LUZP2: variants seen among roughly 807,000 people sequenced by gnomAD.
LUZP2 encodes leucine zipper protein 2.
A neutral mutation model predicts 51.6 loss-of-function variants in LUZP2; 52 were observed. That is an observed-to-expected ratio of 1.01 (90% CI 0.81 to 1.27). The LOEUF (loss-of-function observed/expected upper bound fraction) is 1.27, where lower values mean the gene tolerates loss of function less well. LUZP2 is among the 50% of genes most tolerant of loss of function. LUZP2 has a pLI of 0.00. For synonymous variants in LUZP2, 154 were observed against 137.3 expected, an observed-to-expected ratio of 1.12 and a Z score of -0.85; for missense variants, 436 against 395.4, an observed-to-expected ratio of 1.10 and a Z score of -0.87.
chr11:24,908,159 C>T (rs936573246), intron 6 of LUZP2, among the ~76,000 whole-genome samples: 5 of 152,010 alleles, frequency 3.3e-5, no homozygotes, highest in Non-Finnish European at 5.9e-5. Flanking sequence ...AGATCAGTGA[C>T]CCTCAACTGT....
intron 1 of LUZP2, among the ~76,000 whole-genome samples, chr11:24,565,520 A>G (rs1852187554): frequency 6.6e-6 from 1 of 152,174 alleles, no homozygotes; most frequent in African/African-American, 2.4e-5. Context: ...ATCTGTTATG[A>G]CCATTTATAC....
intron 5 of LUZP2, among the ~76,000 whole-genome samples, chr11:24,820,270 G>T (rs1247099777): frequency 2.0e-5 from 3 of 152,156 alleles, no homozygotes; most frequent in Non-Finnish European, 2.9e-5. Flanking sequence ...TCATTATTCA[G>T]AGCCTGAAAG....
At chr11:24,725,343 G>T (rs182835612) in intron 1 of LUZP2, among the ~76,000 whole-genome samples, 24 of 152,146 alleles carry the variant, frequency 1.6e-4, no homozygotes, top group African/African-American at 5.8e-4. Flanking sequence ...GGGAAGTATT[G>T]TATCCAATCG....
intron 1 of LUZP2, among the ~76,000 whole-genome samples, chr11:24,541,784 AATG>A (rs1315832173): frequency 2.6e-5 from 4 of 152,152 alleles, no homozygotes; most frequent in Non-Finnish European, 4.4e-5. Flanking sequence ...TGACAAGAAT[AATG>A]ATAAGAACCT....
intron 1 of LUZP2, among the ~76,000 whole-genome samples, chr11:24,528,304 T>A (rs1028470897): frequency 1.3e-5 from 2 of 151,308 alleles, no homozygotes; most frequent in Non-Finnish European, 3.0e-5. Context: ...ACTGCAGGAA[T>A]TTCTATAATC....
At chr11:24,633,967 T>C (rs1854987423) in intron 1 of LUZP2, among the ~76,000 whole-genome samples, 1 of 151,492 alleles carries the variant, frequency 6.6e-6, no homozygotes, top group Admixed American at 6.6e-5. Flanking sequence ...TGTGTGTGTA[T>C]ATATAGTCTG....
chr11:24,561,100 G>T (rs1852025314), intron 1 of LUZP2, among the ~76,000 whole-genome samples: 7 of 152,144 alleles, frequency 4.6e-5, no homozygotes, highest in Admixed American at 4.6e-4. Flanking sequence ...AAAACCTTTT[G>T]TTGAAAGCCT....
At chr11:24,786,712 T>TTATATATAAATAGGTATATTATGTATTTA (rs1554906391) in intron 5 of LUZP2, 18,128 of 147,094 alleles carry the variant, frequency 0.12, 1,368 homozygotes, top group East Asian at 0.39. Flanking sequence ...TATTATGTAT[T>TTATATATAAATAGGTATATTATGTATTTA]TATATATATA....
intron 5 of LUZP2, among the ~76,000 whole-genome samples, chr11:24,807,606 A>G (rs1052811869): frequency 6.6e-6 from 1 of 152,102 alleles, no homozygotes; most frequent in African/African-American, 2.4e-5. Flanking sequence ...TAGAAATGTG[A>G]TTGGGCAAAA....
intron 5 of LUZP2, among the ~76,000 whole-genome samples, chr11:24,772,899 A>G (rs533506066): frequency 6.6e-6 from 1 of 152,260 alleles, no homozygotes; most frequent in East Asian, 1.9e-4. Context: ...TAACGACATC[A>G]TTTATTAGAT....
At chr11:24,958,989 C>A (rs1855302341) in intron 7 of LUZP2, among the ~76,000 whole-genome samples, 1 of 152,142 alleles carries the variant, frequency 6.6e-6, no homozygotes. Context: ...CCAGTTTTCC[C>A]AGCACCATTT....
intron 9 of LUZP2, among the ~76,000 whole-genome samples, chr11:25,030,962 A>T (rs1458751627): frequency 7.0e-4 from 1 of 1,424 alleles, no homozygotes; most frequent in Non-Finnish European, 1.0e-3. Context: ...TATATAATAC[A>T]ATATATATTA....
chr11:24,541,489 G>A (rs192870784), intron 1 of LUZP2, among the ~76,000 whole-genome samples: 15 of 152,152 alleles, frequency 9.9e-5, no homozygotes, highest in African/African-American at 3.6e-4. Flanking sequence ...CCTTGGGGCT[G>A]AGAAAAAGAA....
intron 7 of LUZP2, among the ~76,000 whole-genome samples, chr11:24,956,924 A>T (rs543641067): frequency 1.3e-5 from 2 of 151,798 alleles, no homozygotes; most frequent in African/African-American, 4.8e-5. Flanking sequence ...TTCATGGAAT[A>T]AAAAAAAATT....
chr11:24,519,611 C>G (rs935414222), intron 1 of LUZP2, among the ~76,000 whole-genome samples: 8 of 151,920 alleles, frequency 5.3e-5, no homozygotes, highest in African/African-American at 1.9e-4. Flanking sequence ...CGCCTTTCAT[C>G]CAGGATACAG....
At chr11:24,976,398 T>G (rs1277383087) in intron 7 of LUZP2, among the ~76,000 whole-genome samples, 193 bp from the exon 8 acceptor site, 1 of 151,894 alleles carries the variant, frequency 6.6e-6, no homozygotes, top group Non-Finnish European at 1.5e-5. Context: ...TTCTGCATAT[T>G]AAATATTCTG....
At chr11:24,553,867 A>G (rs1195179474) in intron 1 of LUZP2, among the ~76,000 whole-genome samples, 1 of 152,180 alleles carries the variant, frequency 6.6e-6, no homozygotes, top group Non-Finnish European at 1.5e-5. Context: ...TATTTGTGAG[A>G]AAAGATGGCT....
intron 6 of LUZP2, among the ~76,000 whole-genome samples, chr11:24,909,210 G>A (rs1853551289): frequency 6.6e-6 from 1 of 151,742 alleles, no homozygotes; most frequent in Non-Finnish European, 1.5e-5. Context: ...GCCATCAAAT[G>A]CAGAAGGTTT....
chr11:24,899,945 A>T (rs766232553), intron 5 of LUZP2, among the ~76,000 whole-genome samples: 8 of 152,188 alleles, frequency 5.3e-5, no homozygotes, highest in Non-Finnish European at 7.4e-5. Context: ...CAAGTTCTTT[A>T]TATGTCAATG....
Sources: allele counts gnomAD v4.1 joint callset (sites outside exome capture counted in the v4.1 genomes callset), GRCh38; gene constraint gnomAD v4.1.1; transcripts MANE v1.5; gene names NCBI Gene and HGNC (gene_info 2026-07-23, HGNC 2026-07-21).